Variants in ABCB1 observed in about 807,000 individuals in gnomAD.
ABCB1 encodes ATP-dependent translocase ABCB1.
A neutral mutation model predicts 142.0 loss-of-function variants in ABCB1; 69 were observed. That is an observed-to-expected ratio of 0.49 (90% CI 0.40 to 0.59). The LOEUF (loss-of-function observed/expected upper bound fraction) is 0.59. Ranked by LOEUF, ABCB1 falls within the 20% of genes least tolerant of loss-of-function variation. The probability of loss-of-function intolerance (pLI) is 0.00; values close to 1 mark genes in which losing one functional copy is unlikely to be tolerated. For missense variants in ABCB1, 1,326 were observed against 1,554.7 expected, an observed-to-expected ratio of 0.85 and a Z score of 2.47; for synonymous variants, 532 against 539.2, an observed-to-expected ratio of 0.99 and a Z score of 0.18.
At chr7:87,705,374 C>T (rs1414585020) in intron 1 of ABCB1, among the ~76,000 whole-genome samples, 1 of 152,010 alleles carries the variant, frequency 6.6e-6, no homozygotes, top group African/African-American at 2.4e-5. Context: ...TGCAGTGAGC[C>T]GAGATCATGC....
At chr7:87,561,758 G>A (rs28381865) in intron 7 of ABCB1, among the ~76,000 whole-genome samples, 89 of 152,312 alleles carry the variant, frequency 5.8e-4, no homozygotes, top group African/African-American at 2.1e-3. Flanking sequence ...TGCCAAAGAT[G>A]AATAATTGCT....
chr7:87,696,358 T>G (rs1219048545), intron 1 of ABCB1, among the ~76,000 whole-genome samples: 2 of 152,186 alleles, frequency 1.3e-5, no homozygotes, highest in Non-Finnish European at 2.9e-5. Context: ...TGTAACTTTG[T>G]TTTTAAATTT....
chr7:87,579,452 A>G (rs764419345), intron 4 of ABCB1, among the ~76,000 whole-genome samples: 6 of 152,238 alleles, frequency 3.9e-5, no homozygotes, highest in Admixed American at 2.0e-4. Context: ...CCTTTTCATC[A>G]TCAACTGAAA....
intron 1 of ABCB1, among the ~76,000 whole-genome samples, chr7:87,626,779 A>ATAT (rs1820681372): frequency 2.1e-5 from 3 of 140,138 alleles, no homozygotes; most frequent in South Asian, 4.3e-4. Context: ...TATGTCAGAG[A>ATAT]GAGAGAGAGA....
intron 21 of ABCB1, among the ~76,000 whole-genome samples, chr7:87,528,444 G>C (rs1815893525): frequency 6.6e-6 from 1 of 151,748 alleles, no homozygotes. Flanking sequence ...AGGCTACATG[G>C]CTTGTGAGTT....
intron 3 of ABCB1, among the ~76,000 whole-genome samples, chr7:87,594,242 T>C (rs965074633): frequency 6.6e-6 from 1 of 152,160 alleles, no homozygotes; most frequent in Non-Finnish European, 1.5e-5. Context: ...CAAGTGAACA[T>C]GTCTGGCTCC....
chr7:87,559,719 G>C (rs1246357003), intron 8 of ABCB1, among the ~76,000 whole-genome samples: 2 of 152,164 alleles, frequency 1.3e-5, no homozygotes, highest in Non-Finnish European at 2.9e-5. Context: ...GCTTTGGAGA[G>C]AGATTGTTTC....
intron 9 of ABCB1, 63 bp downstream of exon 9, chr7:87,553,698 A>C: frequency 6.6e-7 from 1 of 1,521,868 alleles, no homozygotes; most frequent in East Asian, 2.3e-5. Flanking sequence ...AAGTCAAGCC[A>C]ACATTACTGG....
At chr7:87,654,580 A>G (rs1448922991) in intron 1 of ABCB1, among the ~76,000 whole-genome samples, 1 of 152,022 alleles carries the variant, frequency 6.6e-6, no homozygotes, top group African/African-American at 2.4e-5. Flanking sequence ...ATCAACTCAA[A>G]ATGCATTAAA....
intron 1 of ABCB1, among the ~76,000 whole-genome samples, chr7:87,643,417 A>G (rs559449135): frequency 7.0e-4 from 106 of 152,312 alleles, no homozygotes; most frequent in East Asian, 1.3e-3. Flanking sequence ...CCCTGCTTAA[A>G]GGATATGTGA....
intron 5 of ABCB1, among the ~76,000 whole-genome samples, chr7:87,569,795 C>G (rs953174870): frequency 6.6e-6 from 1 of 152,076 alleles, no homozygotes; most frequent in African/African-American, 2.4e-5. Flanking sequence ...TCAAGCAATC[C>G]TCTCACATCA....
At chr7:87,526,711 C>G (rs768615832) in intron 21 of ABCB1, among the ~76,000 whole-genome samples, 2 of 152,132 alleles carry the variant, frequency 1.3e-5, no homozygotes, top group Non-Finnish European at 2.9e-5. Flanking sequence ...TACTTTCTGA[C>G]TTCAAGAACA....
At position 87,556,428 on chromosome 7, in the gene ABCB1, G is replaced by C. The variant is rs577489761; in HGVS notation, c.828-2496C>G. On this transcript the variant is annotated intron_variant, in intron 8 of 27. Coordinates refer to ENST00000622132, the MANE Select transcript of ABCB1 (RefSeq NM_001348946.2). ...TTCTGGTTAAATTTCCATTCAAAGAGAGCCAGCTTCCCTCCTGCACTGCTA... is the reference window on the plus strand; with the variant it reads ...TTCTGGTTAAATTTCCATTCAAAGACAGCCAGCTTCCCTCCTGCACTGCTA... Among the ~76,000 whole-genome samples the C allele has an allele frequency of 5.9e-5, 9 of 152,270 alleles. No homozygotes were observed. In the South Asian group the frequency reaches 1.7e-3, roughly 28 times the overall value.
chr7:87,601,978 G>GTTTTCTTTTGT (rs1819472618), upstream of ABCB1, among the ~76,000 whole-genome samples: 1 of 151,972 alleles, frequency 6.6e-6, no homozygotes, highest in Non-Finnish European at 1.5e-5. Flanking sequence ...ATACAATGAA[G>GTTTTCTTTTGT]TTTTCTTTTG....
At chr7:87,646,596 A>G (rs918528705) in intron 1 of ABCB1, among the ~76,000 whole-genome samples, 5 of 152,206 alleles carry the variant, frequency 3.3e-5, no homozygotes, top group Admixed American at 6.5e-5. Context: ...GATTAGAGAA[A>G]TACATTCAGA....
chr7:87,569,571 T>C (rs1199008497), intron 5 of ABCB1, among the ~76,000 whole-genome samples: 1 of 152,006 alleles, frequency 6.6e-6, no homozygotes. Flanking sequence ...CAGAATCAGA[T>C]GTTGAGTTTA....
chr7:87,530,964 A>G (rs1816030718), intron 21 of ABCB1, among the ~76,000 whole-genome samples: 1 of 151,848 alleles, frequency 6.6e-6, no homozygotes, highest in Admixed American at 6.6e-5. Context: ...GAAGGAAGGA[A>G]GGAGTGGAGA....
At chr7:87,504,483 T>A (rs759048576) in intron 27 of ABCB1, 34 bp from the exon 28 acceptor site, 4 of 1,612,668 alleles carry the variant, frequency 2.5e-6, no homozygotes, top group South Asian at 1.1e-5. Flanking sequence ...ATTCTCATAA[T>A]AGTTCTTTTC....
rs1554432577 is a variant in ABCB1, at chr7:87,553,339, T to TTTGAGACAG, written c.999+421_999+422insCTGTCTCAA. Among the ~76,000 whole-genome samples, 217 of 149,236 alleles carry TTTGAGACAG rather than the reference T, an allele frequency of 1.5e-3. 1 individual carries two copies. Among genetic ancestry groups the TTTGAGACAG allele is most frequent in the African/African-American group, 5.3e-3 (212 of 40,138 alleles). On this transcript the variant is annotated intron_variant, in intron 9 of 27. Coordinates refer to ENST00000622132, the MANE Select transcript of ABCB1 (RefSeq NM_001348946.2). ...CCACTTTTTTTTTTTTTTTTTTTTT[T>TTTGAGACAG]TGAGACAGTCTTGCTGTGTCACCCA...
Sources: allele counts gnomAD v4.1 joint callset (sites outside exome capture counted in the v4.1 genomes callset), GRCh38; gene constraint gnomAD v4.1.1; transcripts MANE v1.5; gene names NCBI Gene and HGNC (gene_info 2026-07-23, HGNC 2026-07-21).